The following ZNF804B variants were observed in gnomAD, a reference collection of about 807,000 sequenced individuals.
The protein encoded by ZNF804B is zinc finger 804B.
In ZNF804B, 80 loss-of-function variants were observed where a neutral mutation model predicts 101.4. The observed-to-expected ratio is 0.79, with a 90% confidence interval of 0.66 to 0.95. ZNF804B has a LOEUF of 0.95. Ranked by LOEUF, ZNF804B falls within the 40% of genes least tolerant of loss-of-function variation. The probability of loss-of-function intolerance (pLI) is 0.00; values close to 1 mark genes in which losing one functional copy is unlikely to be tolerated. For synonymous variants in ZNF804B, 622 were observed against 558.8 expected, an observed-to-expected ratio of 1.11 and a Z score of -1.59; for missense variants, 1,673 against 1,561.9, an observed-to-expected ratio of 1.07 and a Z score of -1.20.
intron 1 of ZNF804B, among the ~76,000 whole-genome samples, chr7:88,927,640 C>A (rs1792826440): frequency 6.6e-6 from 1 of 152,116 alleles, no homozygotes; most frequent in Non-Finnish European, 1.5e-5. Flanking sequence ...CTTGCTCTCT[C>A]TCTCTCTCTG....
chr7:88,959,539 C>T (rs926976615), intron 1 of ZNF804B, among the ~76,000 whole-genome samples: 9 of 151,240 alleles, frequency 6.0e-5, no homozygotes, highest in African/African-American at 2.2e-4. Flanking sequence ...ATTCTACTTT[C>T]TTGAGAATAT....
At chr7:89,188,856 A>G (rs988220697) in intron 1 of ZNF804B, among the ~76,000 whole-genome samples, 3 of 152,152 alleles carry the variant, frequency 2.0e-5, no homozygotes, top group African/African-American at 7.2e-5. Context: ...AGGGTAGTTC[A>G]TGAGGTTTAA....
At chr7:88,760,964 G>C (rs1273093101) in intron 1 of ZNF804B, among the ~76,000 whole-genome samples, 1 of 147,994 alleles carries the variant, frequency 6.8e-6, no homozygotes, top group African/African-American at 2.5e-5. Context: ...GACTACTAGT[G>C]ACTAAGTATC....
At position 88,801,152 on chromosome 7, in the gene ZNF804B, C is replaced by G. The variant is rs575790941; in HGVS notation, c.108+41068C>G. ...ATTTGCAAGATTCTAGTGCGCCCACCCAGCACCCCAAAAGCCAGTTCCCAG... is the reference window on the plus strand; with the variant it reads ...ATTTGCAAGATTCTAGTGCGCCCACGCAGCACCCCAAAAGCCAGTTCCCAG... On this transcript the variant is annotated intron_variant, in intron 1 of 3. Coordinates refer to ENST00000333190, the MANE Select transcript of ZNF804B (RefSeq NM_181646.5). Among the ~76,000 whole-genome samples the G allele has an allele frequency of 6.6e-5, 10 of 151,710 alleles. No homozygotes were observed. In the East Asian group the frequency reaches 1.6e-3, roughly 24 times the overall value.
At chr7:88,921,777 G>A (rs1792723079) in intron 1 of ZNF804B, among the ~76,000 whole-genome samples, 1 of 151,818 alleles carries the variant, frequency 6.6e-6, no homozygotes, top group Non-Finnish European at 1.5e-5. Context: ...TCTTTCCCAG[G>A]GAAAAATGTA....
intron 1 of ZNF804B, among the ~76,000 whole-genome samples, chr7:88,796,131 C>T (rs554665601): frequency 6.6e-6 from 1 of 151,924 alleles, no homozygotes; most frequent in African/African-American, 2.4e-5. Flanking sequence ...AAGAGATGCA[C>T]CTCTTAAAAT....
chr7:89,117,840 C>T (rs1790334091), intron 1 of ZNF804B, among the ~76,000 whole-genome samples: 1 of 152,048 alleles, frequency 6.6e-6, no homozygotes, highest in Admixed American at 6.6e-5. Flanking sequence ...AACTTTAAAA[C>T]TATTCCAGAA....
intron 1 of ZNF804B, chr7:88,794,801 CAAG>C (rs778078446): frequency 3.1e-6 from 5 of 1,613,582 alleles, no homozygotes; most frequent in Non-Finnish European, 4.2e-6. Flanking sequence ...AACATCCTAT[CAAG>C]AAGGAATTTC....
At chr7:88,801,223 A>T (rs1586908827) in intron 1 of ZNF804B, among the ~76,000 whole-genome samples, 1 of 151,774 alleles carries the variant, frequency 6.6e-6, no homozygotes, top group East Asian at 1.9e-4. Flanking sequence ...CCTGGTGTGT[A>T]GTTTGTTAAA....
chr7:89,301,329 T>C (rs1026322047), intron 2 of ZNF804B, among the ~76,000 whole-genome samples: 1 of 151,792 alleles, frequency 6.6e-6, no homozygotes, highest in Non-Finnish European at 1.5e-5. Context: ...CCTGCAGTCG[T>C]TGATCTTGAC....
At chr7:88,894,208 T>G (rs1346309513) in intron 1 of ZNF804B, among the ~76,000 whole-genome samples, 1 of 151,984 alleles carries the variant, frequency 6.6e-6, no homozygotes, top group Non-Finnish European at 1.5e-5. Flanking sequence ...ATTTTAAAAC[T>G]ATGCAATCCC....
chr7:88,934,138 A>G (rs1792932575), intron 1 of ZNF804B, among the ~76,000 whole-genome samples: 1 of 151,986 alleles, frequency 6.6e-6, no homozygotes, highest in African/African-American at 2.4e-5. Flanking sequence ...GATCTTCAAC[A>G]AAGCATACAA....
intron 2 of ZNF804B, among the ~76,000 whole-genome samples, chr7:89,305,772 T>C (rs1377641331): frequency 6.6e-6 from 1 of 151,984 alleles, no homozygotes; most frequent in Non-Finnish European, 1.5e-5. Context: ...TATTAATTTT[T>C]GAAAGAGGAT....
intron 1 of ZNF804B, among the ~76,000 whole-genome samples, chr7:88,782,880 G>A (rs1477203042): frequency 6.6e-6 from 1 of 152,136 alleles, no homozygotes; most frequent in African/African-American, 2.4e-5. Flanking sequence ...ATAAGCATTT[G>A]TGTACAAGAG....
intron 1 of ZNF804B, among the ~76,000 whole-genome samples, chr7:89,137,925 C>T (rs932722644): frequency 5.3e-5 from 8 of 152,042 alleles, no homozygotes; most frequent in African/African-American, 7.2e-5. Flanking sequence ...ATTCTAGGGA[C>T]TTGGTGCCCT....
intron 1 of ZNF804B, among the ~76,000 whole-genome samples, chr7:88,810,497 CAA>C (rs76328821): frequency 1.1e-4 from 14 of 132,314 alleles, no homozygotes; most frequent in East Asian, 2.2e-4. Context: ...TACAAAAGTC[CAA>C]AAAAAAAAAA....
At chr7:88,870,278 G>A (rs562950939) in intron 1 of ZNF804B, among the ~76,000 whole-genome samples, 171 of 150,242 alleles carry the variant, frequency 1.1e-3, no homozygotes, top group African/African-American at 3.9e-3. Flanking sequence ...CCAGCTACAC[G>A]GGAGGCTGAG....
Position 88,845,301 on chromosome 7 carries a change from GCACACA to G in ZNF804B, c.108+85232_108+85237del, listed in dbSNP as rs372272018. On this transcript the variant is annotated intron_variant, in intron 1 of 3. Transcript: ENST00000333190. ...TGCGCACGCGCGCGCGCACGCGCGCGCACACACACACACACACACAATAACAACACA... is the reference window on the plus strand; with the variant it reads ...TGCGCACGCGCGCGCGCACGCGCGCGCACACACACACACAATAACAACACA... Among the ~76,000 whole-genome samples, 10 of 149,920 alleles carry G rather than the reference GCACACA, an allele frequency of 6.7e-5. No individual in the cohort carries two copies. In the East Asian group the frequency reaches 1.2e-3, roughly 18 times the overall value.
chr7:89,139,797 C>A (rs1055687094), intron 1 of ZNF804B, among the ~76,000 whole-genome samples: 6 of 152,068 alleles, frequency 3.9e-5, no homozygotes, highest in Non-Finnish European at 5.9e-5. Flanking sequence ...TGCTCAAAGT[C>A]ATCCATGATG....
Sources: allele counts gnomAD v4.1 joint callset (sites outside exome capture counted in the v4.1 genomes callset), GRCh38; gene constraint gnomAD v4.1.1; transcripts MANE v1.5; gene names NCBI Gene and HGNC (gene_info 2026-07-23, HGNC 2026-07-21).